Variants in SSBP2 observed in about 807,000 individuals in gnomAD.
SSBP2 encodes the protein single-stranded DNA-binding protein 2.
Under a neutral mutation model 61.8 loss-of-function variants are expected in SSBP2, and 17 were observed. That is an observed-to-expected ratio of 0.28 (90% CI 0.19 to 0.41). The LOEUF is 0.41. Among genes scored for constraint, SSBP2 ranks in the 10% least tolerant of loss-of-function variants. The pLI is 1.00. For synonymous variants in SSBP2, 139 were observed against 141.3 expected, an observed-to-expected ratio of 0.98 and a Z score of 0.12; for missense variants, 310 against 458.7, an observed-to-expected ratio of 0.68 and a Z score of 2.96.
At chr5:81,635,901 ACAAT>A (rs1410673035) in intron 3 of SSBP2, among the ~76,000 whole-genome samples, 1 of 152,206 alleles carries the variant, frequency 6.6e-6, no homozygotes, top group Non-Finnish European at 1.5e-5. Context: ...AACTAGTTTG[ACAAT>A]CAGAGAGTCA....
At position 81,597,743 on chromosome 5, in the gene SSBP2, C is replaced by T. The variant is rs1421705892; in HGVS notation, c.282+17730G>A. ...TGAAACTGGAAACCATCATTCTCAGCAAACTATCGCAAGGACAAAAAACCA... is the reference window on the plus strand; with the variant it reads ...TGAAACTGGAAACCATCATTCTCAGTAAACTATCGCAAGGACAAAAAACCA... On this transcript the variant is annotated intron_variant, in intron 4 of 16. Coordinates refer to ENST00000320672, the MANE Select transcript of SSBP2 (RefSeq NM_012446.5). 4.0e-5 allele frequency among the ~76,000 whole-genome samples: 6 copies of T among 151,228 alleles called. No homozygotes were observed. The East Asian group carries it at 9.8e-4, about 25-fold the overall frequency.
chr5:81,503,425 GCCTGGGTGACAGAGCGAGACT>G (rs1767950005), intron 5 of SSBP2, among the ~76,000 whole-genome samples: 1 of 152,156 alleles, frequency 6.6e-6, no homozygotes, highest in Non-Finnish European at 1.5e-5. Flanking sequence ...CTGCACTCCA[GCCTGGGTGACAGAGCGAGACT>G]CCATCTCAAA....
chr5:81,623,181 T>C (rs544513580), intron 3 of SSBP2, among the ~76,000 whole-genome samples: 2 of 152,224 alleles, frequency 1.3e-5, no homozygotes, highest in South Asian at 4.2e-4. Flanking sequence ...TTAAACTGTA[T>C]TTAATCAAAG....
In SSBP2 at chr5:81,682,772, A is replaced by G. The variant is rs1752492428; in HGVS notation, c.63-32433T>C. 3.3e-5 allele frequency among the ~76,000 whole-genome samples: 5 copies of G among 152,192 alleles called. No individual in the cohort carries two copies. In the South Asian group the frequency reaches 1.0e-3, roughly 32 times the overall value. On this transcript the variant is annotated intron_variant, in intron 1 of 16. Transcript: ENST00000320672. ...ATCATCTATGTAGAAATACAAAAGA[A>G]TAAACAAAAAAACACCCTTGCTGGA...
chr5:81,684,382 T>C (rs917383493), intron 1 of SSBP2, among the ~76,000 whole-genome samples: 9 of 152,118 alleles, frequency 5.9e-5, no homozygotes, highest in Non-Finnish European at 8.8e-5. Context: ...TACATAATAA[T>C]CTGGAAAAGG....
intron 1 of SSBP2, among the ~76,000 whole-genome samples, chr5:81,740,088 T>A (rs1364526219): frequency 6.6e-6 from 1 of 152,170 alleles, no homozygotes; most frequent in Non-Finnish European, 1.5e-5. Context: ...TAAGTCCAAC[T>A]CACTTATATA....
At chr5:81,525,135 T>C (rs1438749191) in intron 4 of SSBP2, among the ~76,000 whole-genome samples, 1 of 151,984 alleles carries the variant, frequency 6.6e-6, no homozygotes, top group Non-Finnish European at 1.5e-5. Context: ...CTGACTCGGT[T>C]CCCATCCAAC....
chr5:81,512,346 C>T (rs552050877), intron 5 of SSBP2, among the ~76,000 whole-genome samples: 1 of 152,262 alleles, frequency 6.6e-6, no homozygotes, highest in South Asian at 2.1e-4. Context: ...GATAATAATA[C>T]ATATTTTACA....
intron 3 of SSBP2, among the ~76,000 whole-genome samples, chr5:81,633,519 AC>A (rs766565086): frequency 1.7e-4 from 26 of 152,174 alleles, no homozygotes; most frequent in South Asian, 4.1e-4. Flanking sequence ...CATGGGTAAT[AC>A]CATTCAACCA....
chr5:81,477,064 TTAA>T, intron 6 of SSBP2, among the ~76,000 whole-genome samples: 1 of 152,188 alleles, frequency 6.6e-6, no homozygotes, highest in Non-Finnish European at 1.5e-5. Flanking sequence ...GAGCATTTCC[TTAA>T]TTTATGGCAT....
intron 4 of SSBP2, among the ~76,000 whole-genome samples, chr5:81,601,522 G>C (rs146643161): frequency 6.6e-6 from 1 of 152,248 alleles, no homozygotes; most frequent in East Asian, 1.9e-4. Context: ...TTATACTGGA[G>C]TTTTGCAATA....
chr5:81,562,129 C>T (rs746203962), intron 4 of SSBP2, among the ~76,000 whole-genome samples: 1 of 151,944 alleles, frequency 6.6e-6, no homozygotes, highest in South Asian at 2.1e-4. Context: ...TGGTCTTGAA[C>T]TCCTGACCTC....
At chr5:81,440,488 G>C (rs752204781) in intron 14 of SSBP2, 70 bp downstream of exon 14, 2 of 1,347,576 alleles carry the variant, frequency 1.5e-6, no homozygotes, top group Non-Finnish European at 2.1e-6. Context: ...TTTGGAAACT[G>C]TAATATGCAC....
intron 4 of SSBP2, among the ~76,000 whole-genome samples, chr5:81,596,322 C>G (rs1367468383): frequency 1.4e-5 from 2 of 144,438 alleles, no homozygotes; most frequent in Non-Finnish European, 1.5e-5. Context: ...CAAACCACTG[C>G]TCAACGAAAT....
chr5:81,469,255 A>C (rs1580762890), intron 8 of SSBP2, among the ~76,000 whole-genome samples: 1 of 151,912 alleles, frequency 6.6e-6, no homozygotes, highest in East Asian at 1.9e-4. Flanking sequence ...CTTATTTGTA[A>C]AGTGATAATA....
At chr5:81,453,456 CTT>C (rs34761912) in intron 10 of SSBP2, among the ~76,000 whole-genome samples, 62 of 112,108 alleles carry the variant, frequency 5.5e-4, no homozygotes, top group African/African-American at 1.5e-3. Context: ...TGGGTTTATT[CTT>C]TTTTTTTTTT....
chr5:81,502,224 T>C (rs551892594), intron 5 of SSBP2, among the ~76,000 whole-genome samples: 35 of 152,306 alleles, frequency 2.3e-4, no homozygotes, highest in Non-Finnish European at 4.4e-4. Context: ...AATGGTCAAC[T>C]GTGAGCCATT....
intron 4 of SSBP2, among the ~76,000 whole-genome samples, chr5:81,603,182 C>T (rs1179089060): frequency 6.6e-6 from 1 of 152,208 alleles, no homozygotes; most frequent in South Asian, 2.1e-4. Flanking sequence ...TGACTGTCTG[C>T]AGACTCCATA....
In SSBP2 at chr5:81,445,138, T is replaced by TATATATATATA. The variant is rs1453692261; in HGVS notation, c.778+1729_778+1730insTATATATATAT. 4.5e-3 allele frequency among the ~76,000 whole-genome samples: 152 copies of TATATATATATA among 33,870 alleles called. 27 individuals carry two copies. Among genetic ancestry groups the TATATATATATA allele is most frequent in the African/African-American group, 7.0e-3 (68 of 9,668 alleles). The allele number at this position is 33,870 out of a possible 152,430, so 22.2% of individuals were successfully genotyped here. ...TGTCTCAGCAAAGAAAAAAAAAATT[T>TATATATATATA]TATATATATATATATATATATATAT... On this transcript the variant is annotated intron_variant, in intron 12 of 16. Transcript: ENST00000320672.
Sources: allele counts gnomAD v4.1 joint callset (sites outside exome capture counted in the v4.1 genomes callset), GRCh38; gene constraint gnomAD v4.1.1; transcripts MANE v1.5; gene names NCBI Gene and HGNC (gene_info 2026-07-23, HGNC 2026-07-21).